Variants in ZNF782 observed in about 807,000 individuals in gnomAD.
ZNF782 encodes the protein zinc finger protein 782.
ZNF782 carries 12 observed loss-of-function variants against 13.0 expected under a neutral mutation model. The ratio of observed to expected loss-of-function variants is 0.92; its 90% CI spans 0.59 to 1.50. The LOEUF (loss-of-function observed/expected upper bound fraction) is 1.50. Ranked by LOEUF, ZNF782 falls within the 40% of genes most tolerant of loss-of-function variation. ZNF782 has a pLI of 0.00. For missense variants in ZNF782, 770 were observed against 822.9 expected (o/e 0.94, Z 0.79); for synonymous variants, 284 against 283.0 (o/e 1.00, Z -0.04).
At chr9:96,918,104 G>A in the ZNF782 span, among the ~76,000 whole-genome samples, 1 of 150,986 alleles carries the variant, frequency 6.6e-6, no homozygotes, top group Non-Finnish European at 1.5e-5. Flanking sequence ...ATGATTGACA[G>A]AAAATGCTCA....
chr9:96,818,267 C>T lies in ZNF782; in HGVS notation c.1756G>A (p.Gly586Arg), dbSNP rs761322693. The change falls in exon 6 of 6, where the codon GGG becomes AGG. Residue 586 changes from glycine to arginine, a missense_variant. Physicochemically the swap from Gly to Arg is moderately radical, Grantham distance 125. Transcript: ENST00000481138. ...NLRVHHRTHT[G>R]EKPYQCEECG... Reference sequence around the variant, plus strand: ...TCCTCACATTGATAGGGTTTCTCCCCAGTATGAGTTCTGTGATGTACTCTG... The same window carrying T: ...TCCTCACATTGATAGGGTTTCTCCCTAGTATGAGTTCTGTGATGTACTCTG... The T allele has an allele frequency of 6.2e-7, 1 of 1,613,956 alleles. No individual in the cohort carries two copies.
At chr9:96,821,289 A>G (rs950893847) in intron 5 of ZNF782, among the ~76,000 whole-genome samples, 1 of 152,198 alleles carries the variant, frequency 6.6e-6, no homozygotes, top group South Asian at 2.1e-4. Flanking sequence ...TCTTGACAGG[A>G]TATCACCAGT....
chr9:96,875,537 G>A (rs1454337475), exon 1 of ZNF782: 1 of 456,600 alleles, frequency 2.2e-6, no homozygotes, highest in Non-Finnish European at 4.4e-6. Flanking sequence ...CAGACACAGC[G>A]CCCACGAGTT....
At chr9:96,840,739 T>G (rs1024579124) in intron 4 of ZNF782, among the ~76,000 whole-genome samples, 4 of 152,096 alleles carry the variant, frequency 2.6e-5, no homozygotes, top group Non-Finnish European at 4.4e-5. Flanking sequence ...TAACCCGATA[T>G]GCAATTTGCA....
chr9:96,833,849 G>A (rs772658523), intron 4 of ZNF782, among the ~76,000 whole-genome samples: 110 of 151,930 alleles, frequency 7.2e-4, no homozygotes, highest in Non-Finnish European at 1.4e-3. Context: ...ATGGACTCAC[G>A]AGTTTTTCAT....
At chr9:96,892,956 A>C in the ZNF782 span, 2 of 151,618 alleles carry the variant, frequency 1.3e-5, no homozygotes, top group Non-Finnish European at 2.9e-5. Context: ...CCACAATATG[A>C]TCAATAGGGT....
At chr9:96,826,989 A>C (rs1242294522) in intron 5 of ZNF782, 91 bp downstream of exon 5, 2 of 798,538 alleles carry the variant, frequency 2.5e-6, no homozygotes, top group Non-Finnish European at 3.7e-6. Flanking sequence ...TCAGTGTATA[A>C]ATTTTAACCA....
At chr9:96,931,090 G>A in the ZNF782 span, among the ~76,000 whole-genome samples, 1 of 151,746 alleles carries the variant, frequency 6.6e-6, no homozygotes, top group African/African-American at 2.4e-5. Context: ...GTTTCACCAC[G>A]TTGGCCAGAC....
At chr9:96,875,580 C>T (rs1486871367) in exon 1 of ZNF782, 4 of 456,564 alleles carry the variant, frequency 8.8e-6, no homozygotes, top group Non-Finnish European at 1.8e-5. Flanking sequence ...TAAACGGGCT[C>T]TCCTCTGCCG....
chr9:96,920,946 C>T, the ZNF782 span, among the ~76,000 whole-genome samples: 1 of 140,136 alleles, frequency 7.1e-6, no homozygotes, highest in East Asian at 2.3e-4. Context: ...TATGGCACTG[C>T]CTAAGCTATT....
At chr9:96,888,085 G>C in the ZNF782 span, 5 of 150,830 alleles carry the variant, frequency 3.3e-5, no homozygotes, top group East Asian at 9.7e-4. Flanking sequence ...GAGTTACTGG[G>C]TGCAGCACAC....
At chr9:96,830,678 A>C (rs1242317705) in intron 4 of ZNF782, among the ~76,000 whole-genome samples, 1 of 152,214 alleles carries the variant, frequency 6.6e-6, no homozygotes, top group African/African-American at 2.4e-5. Context: ...AAATAGGTTC[A>C]ATCTAAAATC....
At chr9:96,852,284 A>T (rs945957296) in intron 2 of ZNF782, among the ~76,000 whole-genome samples, 1 of 152,248 alleles carries the variant, frequency 6.6e-6, no homozygotes, top group Admixed American at 6.5e-5. Flanking sequence ...ACACACAAAA[A>T]TAAAGACAAT....
chr9:96,823,981 A>G, intron 5 of ZNF782, among the ~76,000 whole-genome samples: 1 of 152,232 alleles, frequency 6.6e-6, no homozygotes, highest in African/African-American at 2.4e-5. Context: ...AGATACAAGG[A>G]GGAACTGGTA....
At chr9:96,877,567 T>C (rs1271780636), upstream of ZNF782, among the ~76,000 whole-genome samples, 1 of 152,254 alleles carries the variant, frequency 6.6e-6, no homozygotes, top group Non-Finnish European at 1.5e-5. Flanking sequence ...GGCTTCCCCA[T>C]AGGCCCGCGT....
chr9:96,836,638 G>A (rs1003967603), intron 4 of ZNF782, among the ~76,000 whole-genome samples: 1 of 152,134 alleles, frequency 6.6e-6, no homozygotes, highest in African/African-American at 2.4e-5. Context: ...GTTTTGGGGA[G>A]CTAGGGGCAG....
chr9:96,920,693 G>A, the ZNF782 span, among the ~76,000 whole-genome samples: 1 of 149,512 alleles, frequency 6.7e-6, no homozygotes, highest in African/African-American at 2.5e-5. Context: ...GAGGCAGGCG[G>A]ATCCAGGGTC....
chr9:96,928,570 G>C, the ZNF782 span: 1 of 219,580 alleles, frequency 4.6e-6, no homozygotes. Context: ...TTCATCAAGA[G>C]TGGGAAAGAG....
rs750938166 is a variant in ZNF782 at position 96,819,393 on chromosome 9, A to T, written c.630T>A (p.Thr210=). 1 of 1,606,276 alleles carries T rather than the reference A, an allele frequency of 6.2e-7. No individual in the cohort carries two copies. The highest frequency in any genetic ancestry group is 1.3e-5 in the African/African-American group (1 of 74,308). Residue 210 remains threonine (T), a synonymous_variant, in exon 6 of 6, where the codon ACT becomes ACA. Coordinates refer to ENST00000481138, the MANE Select transcript of ZNF782 (RefSeq NM_001001662.3). ...CATTATATTCAAAATCTTGCCCCAG[A>T]GTCTGAATTGTCTGATGTTGAATAA... ...EEVIQHQTIQ[T]LGQDFEYNES...
Sources: allele counts gnomAD v4.1 joint callset (sites outside exome capture counted in the v4.1 genomes callset), GRCh38; gene constraint gnomAD v4.1.1; transcripts MANE v1.5; gene names NCBI Gene and HGNC (gene_info 2026-07-23, HGNC 2026-07-21).